KPNA3: variants seen among roughly 807,000 people sequenced by gnomAD.
KPNA3 encodes karyopherin subunit alpha 3.
Under a neutral mutation model 73.8 loss-of-function variants are expected in KPNA3, and 13 were observed. The ratio of observed to expected loss-of-function variants is 0.18; its 90% CI spans 0.11 to 0.28. KPNA3 has a LOEUF of 0.28. KPNA3 is among the 10% of genes least tolerant of loss of function. The pLI is 1.00. For missense variants in KPNA3, 360 were observed against 618.1 expected, an observed-to-expected ratio of 0.58 and a Z score of 4.43; for synonymous variants, 186 against 206.9, an observed-to-expected ratio of 0.90 and a Z score of 0.87.
chr13:49,730,343 G>A (rs1954450745), intron 6 of KPNA3, among the ~76,000 whole-genome samples: 1 of 151,566 alleles, frequency 6.6e-6, no homozygotes, highest in Admixed American at 6.6e-5. Context: ...GACCAGCCTG[G>A]CCAACATGGT....
chr13:49,750,178 C>T (rs111324153), intron 1 of KPNA3, among the ~76,000 whole-genome samples: 12 of 152,202 alleles, frequency 7.9e-5, no homozygotes, highest in Non-Finnish European at 1.3e-4. Context: ...GCACAGGGAT[C>T]GGCAAACTAT....
chr13:49,706,010 C>T (rs974171191), intron 14 of KPNA3, 88 bp downstream of exon 14: 4 of 1,238,254 alleles, frequency 3.2e-6, no homozygotes, highest in African/African-American at 1.5e-5. Flanking sequence ...CCAAAAAGAA[C>T]ACAATACAGT....
chr13:49,754,588 A>C (rs974384105), intron 1 of KPNA3, among the ~76,000 whole-genome samples: 13 of 149,648 alleles, frequency 8.7e-5, no homozygotes, highest in Non-Finnish European at 1.6e-4. Flanking sequence ...GAAAACAAAA[A>C]GTAGAGAAAA....
At chr13:49,782,615 A>G (rs977353884) in intron 1 of KPNA3, among the ~76,000 whole-genome samples, 2 of 152,188 alleles carry the variant, frequency 1.3e-5, no homozygotes, top group Admixed American at 6.5e-5. Context: ...GCGGTGGCTC[A>G]TGCCTGTAAT....
At chr13:49,712,811 C>T (rs1180650837) in intron 10 of KPNA3, among the ~76,000 whole-genome samples, 1 of 151,316 alleles carries the variant, frequency 6.6e-6, no homozygotes, top group Non-Finnish European at 1.5e-5. Flanking sequence ...ATAAAGGTAA[C>T]CACTAGAACA....
intron 1 of KPNA3, among the ~76,000 whole-genome samples, chr13:49,758,793 A>C (rs186927450): frequency 1.4e-4 from 22 of 152,254 alleles, no homozygotes; most frequent in African/African-American, 4.1e-4. Flanking sequence ...CACACACACA[A>C]AATTTTGTTT....
chr13:49,732,544 A>G, intron 5 of KPNA3, 61 bp downstream of exon 5: 5 of 1,449,402 alleles, frequency 3.4e-6, no homozygotes, highest in African/African-American at 1.4e-5. Context: ...TAACTTCTAG[A>G]CTACCAGGTA....
chr13:49,788,737 TTAA>T (rs757957201), intron 1 of KPNA3, among the ~76,000 whole-genome samples: 57 of 76,082 alleles, frequency 7.5e-4, no homozygotes, highest in African/African-American at 1.6e-3. Flanking sequence ...TTTTTTTTTT[TTAA>T]AAAAAAAAAG....
At chr13:49,709,423 G>T in intron 12 of KPNA3, 149 bp downstream of exon 12, 27 of 447,344 alleles carry the variant, frequency 6.0e-5, no homozygotes, top group South Asian at 8.1e-5. Flanking sequence ...AAAAGTTGAA[G>T]AAAAACATTT....
At chr13:49,753,621 T>C (rs1954685336) in intron 1 of KPNA3, among the ~76,000 whole-genome samples, 1 of 152,246 alleles carries the variant, frequency 6.6e-6, no homozygotes, top group South Asian at 2.1e-4. Context: ...TGCCAGTCCA[T>C]ATAGCCTGTT....
At chr13:49,735,902 T>G (rs1036570895) in intron 2 of KPNA3, among the ~76,000 whole-genome samples, 4 of 152,198 alleles carry the variant, frequency 2.6e-5, no homozygotes, top group African/African-American at 7.2e-5. Flanking sequence ...GTTATTAAAC[T>G]CTATATAAAG....
intron 1 of KPNA3, 85 bp from the exon 2 acceptor site, chr13:49,747,078 A>G (rs1225744703): frequency 1.0e-6 from 1 of 978,180 alleles, no homozygotes; most frequent in Non-Finnish European, 1.6e-6. Flanking sequence ...GCAGTGGCTC[A>G]TGCCTATAAT....
intron 1 of KPNA3, among the ~76,000 whole-genome samples, chr13:49,784,178 C>T (rs914767765): frequency 1.3e-5 from 2 of 152,048 alleles, no homozygotes; most frequent in East Asian, 1.9e-4. Flanking sequence ...GAGCCATGAT[C>T]GTGTCACTGC....
At chr13:49,743,449 T>G (rs1315551601) in intron 2 of KPNA3, among the ~76,000 whole-genome samples, 1 of 152,168 alleles carries the variant, frequency 6.6e-6, no homozygotes, top group African/African-American at 2.4e-5. Flanking sequence ...TTTCTACTGC[T>G]TACTTGGGGA....
At chr13:49,720,788 AT>A (rs897516315) in intron 9 of KPNA3, among the ~76,000 whole-genome samples, 6 of 150,362 alleles carry the variant, frequency 4.0e-5, no homozygotes, top group Non-Finnish European at 4.4e-5. Flanking sequence ...GTTATGTAGG[AT>A]TTTTTTTTAA....
intron 10 of KPNA3, among the ~76,000 whole-genome samples, chr13:49,717,440 GA>G (rs61581557): frequency 1.2e-3 from 158 of 126,916 alleles, no homozygotes; most frequent in Admixed American, 3.1e-3. Flanking sequence ...GGAAAAAAAA[GA>G]AAAAAAAAAA....
chr13:49,720,749 A>AAAG (rs1954348758), intron 9 of KPNA3, among the ~76,000 whole-genome samples: 1 of 145,202 alleles, frequency 6.9e-6, no homozygotes, highest in Non-Finnish European at 1.5e-5. Flanking sequence ...AAAAAAAAAA[A>AAAG]GAGATAACAC....
At chr13:49,755,863 C>T (rs1405110903) in intron 1 of KPNA3, among the ~76,000 whole-genome samples, 2 of 152,142 alleles carry the variant, frequency 1.3e-5, no homozygotes, top group Non-Finnish European at 2.9e-5. Flanking sequence ...AAGGAATATA[C>T]CAAAAACTTT....
At chr13:49,753,665 A>T (rs1269913969) in intron 1 of KPNA3, among the ~76,000 whole-genome samples, 1 of 152,228 alleles carries the variant, frequency 6.6e-6, no homozygotes, top group African/African-American at 2.4e-5. Context: ...GGAGGTGAGC[A>T]TTATGGCCTC....
Sources: allele counts gnomAD v4.1 joint callset (sites outside exome capture counted in the v4.1 genomes callset), GRCh38; gene constraint gnomAD v4.1.1; transcripts MANE v1.5; gene names NCBI Gene and HGNC (gene_info 2026-07-23, HGNC 2026-07-21).